NRG3: variants seen among roughly 807,000 people sequenced by gnomAD.
NRG3 encodes pro-neuregulin-3, membrane-bound isoform.
In NRG3, 31 loss-of-function variants were observed where a neutral mutation model predicts 66.9. The ratio of observed to expected loss-of-function variants is 0.46; its 90% CI spans 0.35 to 0.63. The LOEUF is 0.63. NRG3 is among the 20% of genes least tolerant of loss of function. The pLI is 0.00. For missense variants in NRG3, 910 were observed against 878.9 expected, an observed-to-expected ratio of 1.04 and a Z score of -0.45; for synonymous variants, 393 against 359.4, an observed-to-expected ratio of 1.09 and a Z score of -1.06.
At chr10:82,503,383 T>C (rs1844380692) in intron 2 of NRG3, among the ~76,000 whole-genome samples, 1 of 152,144 alleles carries the variant, frequency 6.6e-6, no homozygotes, top group African/African-American at 2.4e-5. Context: ...GAAGGAACTT[T>C]GGTAGTAGAA....
At chr10:82,568,380 A>G (rs1487199505) in intron 2 of NRG3, among the ~76,000 whole-genome samples, 1 of 151,930 alleles carries the variant, frequency 6.6e-6, no homozygotes, top group East Asian at 1.9e-4. Context: ...AGTCAAGGCT[A>G]GGTTAGGAAA....
chr10:82,693,485 G>A (rs971575010), intron 2 of NRG3, among the ~76,000 whole-genome samples: 4 of 152,108 alleles, frequency 2.6e-5, no homozygotes, highest in African/African-American at 7.2e-5. Context: ...GGTACACATC[G>A]TGGCTCCATG....
intron 1 of NRG3, among the ~76,000 whole-genome samples, chr10:81,881,099 A>G (rs191033159): frequency 3.3e-4 from 50 of 151,280 alleles, no homozygotes; most frequent in Admixed American, 7.2e-4. Context: ...TTCCCCTAAG[A>G]CTTCCTGTAC....
At chr10:82,697,398 G>T (rs990769513) in intron 2 of NRG3, among the ~76,000 whole-genome samples, 1 of 152,146 alleles carries the variant, frequency 6.6e-6, no homozygotes, top group African/African-American at 2.4e-5. Context: ...TTCCCAAGGT[G>T]ATCTCTGGAT....
intron 1 of NRG3, among the ~76,000 whole-genome samples, chr10:82,042,848 C>A (rs935803215): frequency 6.6e-6 from 1 of 151,888 alleles, no homozygotes; most frequent in African/African-American, 2.4e-5. Context: ...GCTAGGTCAA[C>A]GTATTTTGAA....
At chr10:82,473,888 G>A (rs544994873) in intron 2 of NRG3, among the ~76,000 whole-genome samples, 7 of 152,276 alleles carry the variant, frequency 4.6e-5, no homozygotes, top group African/African-American at 1.2e-4. Context: ...AGACCCCTGA[G>A]ACAAGAGATT....
intron 2 of NRG3, among the ~76,000 whole-genome samples, chr10:82,507,483 G>A (rs1231013447): frequency 1.3e-5 from 2 of 152,216 alleles, no homozygotes; most frequent in African/African-American, 4.8e-5. Context: ...GGGAACAGGT[G>A]TGAAAAACCT....
intron 6 of NRG3, among the ~76,000 whole-genome samples, chr10:82,965,097 A>G (rs1253282248): frequency 6.6e-6 from 1 of 152,222 alleles, no homozygotes; most frequent in Non-Finnish European, 1.5e-5. Context: ...ACCAGGGCCT[A>G]TGAAGGAGTT....
At chr10:81,993,999 C>A (rs1325299174) in intron 1 of NRG3, among the ~76,000 whole-genome samples, 1 of 152,090 alleles carries the variant, frequency 6.6e-6, no homozygotes, top group East Asian at 1.9e-4. Context: ...ATTGTTGTTT[C>A]CAAAGTTTTG....
intron 2 of NRG3, among the ~76,000 whole-genome samples, chr10:82,611,487 C>A (rs1248497365): frequency 6.6e-6 from 1 of 152,034 alleles, no homozygotes; most frequent in African/African-American, 2.4e-5. Flanking sequence ...TCTCATTGTT[C>A]AGTTCCCACC....
At chr10:82,245,939 A>G (rs2134042773) in intron 1 of NRG3, among the ~76,000 whole-genome samples, 1 of 145,730 alleles carries the variant, frequency 6.9e-6, no homozygotes, top group South Asian at 2.2e-4. Context: ...TGCAAATGCC[A>G]TGATTGTAGC....
intron 1 of NRG3, among the ~76,000 whole-genome samples, chr10:82,357,815 A>G (rs2083880499): frequency 6.6e-6 from 1 of 152,244 alleles, no homozygotes; most frequent in Non-Finnish European, 1.5e-5. Context: ...AAGCTGGTAT[A>G]ATATCCCATG....
At chr10:82,300,239 A>T (rs968741143) in intron 1 of NRG3, among the ~76,000 whole-genome samples, 21 of 152,160 alleles carry the variant, frequency 1.4e-4, no homozygotes, top group Non-Finnish European at 2.8e-4. Context: ...AATTTGTCTT[A>T]TTATAGCAAA....
chr10:82,968,263 C>A (rs1237000296), intron 6 of NRG3, among the ~76,000 whole-genome samples: 2 of 152,040 alleles, frequency 1.3e-5, no homozygotes, highest in Non-Finnish European at 2.9e-5. Context: ...ATCATGCTTC[C>A]ACAAGTTTCA....
chr10:82,055,914 C>A (rs79700292), intron 1 of NRG3, among the ~76,000 whole-genome samples: 1 of 152,190 alleles, frequency 6.6e-6, no homozygotes, highest in East Asian at 1.9e-4. Context: ...TGAATTTCTC[C>A]TTTTGTTCTT....
chr10:82,721,806 C>A (rs1363612809), intron 2 of NRG3, among the ~76,000 whole-genome samples: 1 of 152,160 alleles, frequency 6.6e-6, no homozygotes, highest in Non-Finnish European at 1.5e-5. Flanking sequence ...CTGTAGCTTA[C>A]CTATCCTTAC....
At chr10:82,660,966 G>A (rs1000260829) in intron 2 of NRG3, among the ~76,000 whole-genome samples, 28 of 151,682 alleles carry the variant, frequency 1.8e-4, no homozygotes, top group Admixed American at 1.3e-4. Flanking sequence ...AGTTATTTAT[G>A]TAAGTCAGAT....
chr10:82,955,978 CACTGAGA>C (rs1850006379), intron 5 of NRG3, among the ~76,000 whole-genome samples: 2 of 151,982 alleles, frequency 1.3e-5, no homozygotes, highest in East Asian at 3.9e-4. Flanking sequence ...CTGAGGTTTT[CACTGAGA>C]CTGTATCACA....
At chr10:82,876,369 C>A (rs1841821001) in intron 4 of NRG3, among the ~76,000 whole-genome samples, 1 of 152,076 alleles carries the variant, frequency 6.6e-6, no homozygotes, top group South Asian at 2.1e-4. Context: ...AGATTTGGGG[C>A]AATGAATTCT....
Sources: gnomAD v4.1 joint callset for allele counts (sites outside exome capture counted in the v4.1 genomes callset) on GRCh38, gnomAD v4.1.1 for gene constraint, MANE v1.5 for transcripts, NCBI Gene and HGNC (gene_info 2026-07-23, HGNC 2026-07-21) for gene names.